BCAS3: variants seen among roughly 807,000 people sequenced by gnomAD.
The protein encoded by BCAS3 is BCAS4/BCAS3 fusion.
A neutral mutation model predicts 116.1 loss-of-function variants in BCAS3; 53 were observed. The ratio of observed to expected loss-of-function variants is 0.46; its 90% CI spans 0.37 to 0.57. The LOEUF (loss-of-function observed/expected upper bound fraction) is 0.57, where lower values mean the gene tolerates loss of function less well. Ranked by LOEUF, BCAS3 falls within the 20% of genes least tolerant of loss-of-function variation. The pLI, the probability that BCAS3 is intolerant of heterozygous loss-of-function variation, is 0.00. For missense variants in BCAS3, 917 were observed against 1,165.4 expected, an observed-to-expected ratio of 0.79 and a Z score of 3.10; for synonymous variants, 391 against 408.2, an observed-to-expected ratio of 0.96 and a Z score of 0.51.
rs1184668417 is a variant in BCAS3 at position 61,354,591 on chromosome 17, G to A, written c.2426-13736G>A. The A allele has an allele frequency of 6.6e-6, 1 of 152,212 alleles. No individual in the cohort carries two copies. The highest frequency in any genetic ancestry group is 1.5e-5 in the Non-Finnish European group (1 of 68,046). 9.4% of individuals were successfully genotyped at this position (152,212 alleles called of 1,614,324 possible). ...CTTTGTTGAACAGCTTCAGTGCAAGGACCTGGGAAGTCGGGATTCTGTAAT... is the reference window on the plus strand; with the variant it reads ...CTTTGTTGAACAGCTTCAGTGCAAGAACCTGGGAAGTCGGGATTCTGTAAT... On this transcript the variant is annotated intron_variant, in intron 22 of 23. Coordinates refer to ENST00000407086, the MANE Select transcript of BCAS3 (RefSeq NM_017679.5). This position sits in a 1 kb window ranked among gnomAD's most constrained non-coding sequence, Gnocchi z 4.5.
At chr17:60,740,936 C>T (rs1219972887) in intron 5 of BCAS3, among the ~76,000 whole-genome samples, 3 of 152,144 alleles carry the variant, frequency 2.0e-5, no homozygotes, top group Non-Finnish European at 4.4e-5. Flanking sequence ...CCTGGTGGAG[C>T]TCCTGGAGGT....
intron 22 of BCAS3, among the ~76,000 whole-genome samples, chr17:61,149,948 G>A (rs2077452908): frequency 1.3e-5 from 2 of 152,154 alleles, no homozygotes; most frequent in Non-Finnish European, 2.9e-5. Flanking sequence ...AAAACTGCTT[G>A]TGGAAAAGGT....
intron 22 of BCAS3, among the ~76,000 whole-genome samples, chr17:61,311,562 A>G (rs1022615941): frequency 6.6e-6 from 1 of 152,194 alleles, no homozygotes; most frequent in African/African-American, 2.4e-5. Context: ...CTGCTTGAAG[A>G]ACTTGGGGGG....
At position 61,015,855 on chromosome 17, in the gene BCAS3, CA is replaced by C; in HGVS notation, c.1594del (p.Ile532SerfsTer5). Reference sequence around the variant, plus strand: ...CTTGATGGTAGTGATGCCTCTTGCACAAATCAAGCAGCCAATGACATTGGGG... The same window carrying C: ...CTTGATGGTAGTGATGCCTCTTGCACAATCAAGCAGCCAATGACATTGGGG... ...PSLMVVMPLA[Q>X]IKQPMTLGTI... is the part of the protein sequence containing the mutation. On this transcript the variant is annotated frameshift_variant, in exon 16 of 24. Transcript: ENST00000407086. LOFTEE classifies it high-confidence loss of function. The C allele has an allele frequency of 6.2e-7, 1 of 1,614,080 alleles. No homozygotes were observed. Among genetic ancestry groups the C allele is most frequent in the Non-Finnish European group, 8.5e-7 (1 of 1,179,960 alleles).
chr17:60,882,514 C>A (rs1472417627), intron 9 of BCAS3, among the ~76,000 whole-genome samples: 1 of 152,012 alleles, frequency 6.6e-6, no homozygotes, highest in Non-Finnish European at 1.5e-5. Context: ...GAAGTCCTTG[C>A]CCATGCCTAT....
intron 9 of BCAS3, 90 bp from the exon 10 acceptor site, chr17:60,889,605 G>T (rs1599464102): frequency 9.5e-7 from 1 of 1,051,666 alleles, no homozygotes; most frequent in South Asian, 1.4e-5. Context: ...ATAAGCATTT[G>T]ATTTTTCTGT....
At position 60,804,676 on chromosome 17, in the gene BCAS3, A is replaced by C. The variant is rs116965065; in HGVS notation, c.404-3328A>C. 4.2e-3 allele frequency among the ~76,000 whole-genome samples: 639 copies of C among 152,212 alleles called. 6 individuals carry two copies. The highest frequency in any genetic ancestry group is 7.7e-3 in the Non-Finnish European group (524 of 68,014). ...TTTTTTCAGTCTTTTGCTATTATAA[A>C]CAATACTGTTGTGAATAATCTTATA... On this transcript the variant is annotated intron_variant, in intron 6 of 23. Transcript: ENST00000407086.
intron 22 of BCAS3, among the ~76,000 whole-genome samples, chr17:61,110,027 T>C (rs550788152): frequency 6.6e-6 from 1 of 152,348 alleles, no homozygotes; most frequent in African/African-American, 2.4e-5. Flanking sequence ...AGCCAATGTC[T>C]AGAAGGGTTT....
At chr17:60,828,689 C>T (rs1177034731) in intron 7 of BCAS3, among the ~76,000 whole-genome samples, 2 of 152,150 alleles carry the variant, frequency 1.3e-5, no homozygotes, top group East Asian at 3.8e-4. Context: ...ATCACCTCTC[C>T]TGCCATTTAG....
chr17:61,359,885 C>A (rs1211239567), intron 22 of BCAS3, among the ~76,000 whole-genome samples: 2 of 152,190 alleles, frequency 1.3e-5, no homozygotes, highest in Non-Finnish European at 2.9e-5. Flanking sequence ...TGGGATCTAT[C>A]TGCTTCCTTA....
At chr17:60,921,882 G>A (rs1045948084) in intron 12 of BCAS3, among the ~76,000 whole-genome samples, 6 of 151,626 alleles carry the variant, frequency 4.0e-5, no homozygotes, top group Non-Finnish European at 7.4e-5. Flanking sequence ...AAGACTTTAC[G>A]TCAAGAAGTA....
intron 19 of BCAS3, among the ~76,000 whole-genome samples, chr17:61,067,654 T>C (rs921152314): frequency 2.7e-5 from 4 of 148,660 alleles, no homozygotes; most frequent in African/African-American, 9.9e-5. Context: ...AGGCGGAGGC[T>C]GCAGTGAGCT....
In BCAS3 at chr17:61,249,275, G is replaced by GA. The variant is rs947481417; in HGVS notation, c.2426-119049dup. On this transcript the variant is annotated intron_variant, in intron 22 of 23. Transcript: ENST00000407086. The surrounding 1 kb of genome is among the most constrained non-coding windows in gnomAD (Gnocchi z 6.2). ...GCACTCCAGCCTGGGCAACAAGAGT[G>GA]AAACTCCATCTCAAAAATAAATAAA... is the stretch of plus-strand genomic sequence containing the variant. Among the ~76,000 whole-genome samples, 10 of 152,136 alleles carry GA rather than the reference G, an allele frequency of 6.6e-5. No homozygotes were observed. The highest frequency in any genetic ancestry group is 1.2e-4 in the Non-Finnish European group (8 of 68,042).
At chr17:60,976,020 C>CTTTTTTTTTTTGTTTTTTT (rs2062329554) in intron 14 of BCAS3, among the ~76,000 whole-genome samples, 7 of 98,276 alleles carry the variant, frequency 7.1e-5, no homozygotes, top group Admixed American at 1.6e-4. Flanking sequence ...TAGATTTTTG[C>CTTTTTTTTTTTGTTTTTTT]TTTTTTTTTT....
In BCAS3 at chr17:61,084,492, G is replaced by A. The variant is rs552565129; in HGVS notation, c.2353G>A (p.Val785Ile). Residue 785 changes from valine (V) to isoleucine (I), a missense_variant, in exon 22 of 24, where the codon GTC becomes ATC. By Grantham distance (29) the Val-to-Ile change is conservative. This residue lies in a region of BCAS3 where 807 missense variants were observed against 1,026.0 expected (regional missense o/e 0.79). Coordinates refer to ENST00000407086, the MANE Select transcript of BCAS3 (RefSeq NM_017679.5). The surrounding 1 kb of genome is among the most constrained non-coding windows in gnomAD (Gnocchi z 5.5). ...GATCCAGCCAGTCCGCTCTGACCCC[G>A]TCAGCATGCCAGGGTCATCCCGTCC... is the stretch of plus-strand genomic sequence containing the variant. ...LRIQPVRSDP[V>I]SMPGSSRPVS... The A allele has an allele frequency of 2.9e-5, 46 of 1,613,942 alleles. No homozygotes were observed. Among genetic ancestry groups the A allele is most frequent in the Middle Eastern group, 1.6e-4 (1 of 6,080 alleles).
At chr17:60,867,418 T>TA (rs2054708400) in intron 7 of BCAS3, among the ~76,000 whole-genome samples, 1 of 151,994 alleles carries the variant, frequency 6.6e-6, no homozygotes, top group Admixed American at 6.5e-5. Flanking sequence ...CGTAGGTTTT[T>TA]AAAAAACCAT....
intron 22 of BCAS3, among the ~76,000 whole-genome samples, chr17:61,191,780 A>G (rs868208120): frequency 6.9e-6 from 1 of 145,638 alleles, no homozygotes; most frequent in Non-Finnish European, 1.5e-5. Flanking sequence ...GTCTCAAAAA[A>G]AAAAGAAAAG....
At chr17:61,298,630 A>G (rs1006078477) in intron 22 of BCAS3, among the ~76,000 whole-genome samples, 6 of 151,964 alleles carry the variant, frequency 3.9e-5, no homozygotes, top group Non-Finnish European at 8.8e-5. Flanking sequence ...CTGCCTTTCC[A>G]ATCTACTTCC....
Position 61,265,407 on chromosome 17 carries a change from GAA to G in BCAS3, c.2426-102908_2426-102907del, listed in dbSNP as rs35341720. On this transcript the variant is annotated intron_variant, in intron 22 of 23. Transcript: ENST00000407086. This position sits in a 1 kb window ranked among gnomAD's most constrained non-coding sequence, Gnocchi z 4.3. Reference sequence around the variant, plus strand: ...TAACAAGAGTGAAACTCTGTCTCAAGAAAAAAAAAAAAAGAAAGCACAGTACC... The same window carrying G: ...TAACAAGAGTGAAACTCTGTCTCAAGAAAAAAAAAAAGAAAGCACAGTACC... Among the ~76,000 whole-genome samples the G allele has an allele frequency of 2.4e-5, 3 of 125,960 alleles. No homozygotes were observed. The highest frequency in any genetic ancestry group is 5.9e-5 in the African/African-American group (2 of 34,020). 82.6% of individuals were successfully genotyped at this position (125,960 alleles called of 152,430 possible).
Sources: gnomAD v4.1 joint callset for allele counts (sites outside exome capture counted in the v4.1 genomes callset) on GRCh38, gnomAD v4.1.1 for gene constraint, gnomAD v4.1.1 regional missense constraint, Gnocchi (gnomAD v3.1) non-coding constraint, MANE v1.5 for transcripts, NCBI Gene and HGNC (gene_info 2026-07-23, HGNC 2026-07-21) for gene names.